GALNTL6: variants seen among roughly 807,000 people sequenced by gnomAD.
The protein encoded by GALNTL6 is polypeptide N-acetylgalactosaminyltransferase like 6, also known as polypeptide N-acetylgalactosaminyltransferase-like 6.
In GALNTL6, 46 loss-of-function variants were observed where a neutral mutation model predicts 73.7. The observed-to-expected ratio is 0.62, with a 90% confidence interval of 0.49 to 0.80. The LOEUF (loss-of-function observed/expected upper bound fraction) is 0.80. Ranked by LOEUF, GALNTL6 falls within the 30% of genes least tolerant of loss-of-function variation. The pLI is 0.00. For missense variants in GALNTL6, 604 were observed against 755.0 expected (o/e 0.80, Z 2.34); for synonymous variants, 259 against 263.7 (o/e 0.98, Z 0.17).
intron 11 of GALNTL6, among the ~76,000 whole-genome samples, chr4:173,019,618 C>T (rs1435546618): frequency 6.6e-6 from 1 of 152,168 alleles, no homozygotes; most frequent in Admixed American, 6.5e-5. Context: ...TTTAAAAACT[C>T]TAGGAAAAAA....
chr4:171,860,088 A>G (rs1735793897), intron 2 of GALNTL6, among the ~76,000 whole-genome samples: 1 of 152,218 alleles, frequency 6.6e-6, no homozygotes, highest in South Asian at 2.1e-4. Flanking sequence ...TACTGTCCAC[A>G]TAAGAACACC....
At chr4:171,857,666 G>A (rs1339886527) in intron 2 of GALNTL6, among the ~76,000 whole-genome samples, 2 of 152,160 alleles carry the variant, frequency 1.3e-5, no homozygotes, top group African/African-American at 4.8e-5. Flanking sequence ...AACATTTTTT[G>A]TAAGGTTATA....
In GALNTL6 at chr4:172,185,683, A is replaced by G. The variant is rs578152205; in HGVS notation, c.139-43973A>G. Among the ~76,000 whole-genome samples the G allele has an allele frequency of 2.4e-4, 36 of 152,302 alleles. 1 individual carries two copies. Among genetic ancestry groups the G allele is most frequent in the Admixed American group, 1.2e-3 (18 of 15,292 alleles). Reference sequence around the variant, plus strand: ...ATATTAAAAATGTGTACAAAAAGTGAATTTCACAATTTTAGTATGTTAGCT... The same window carrying G: ...ATATTAAAAATGTGTACAAAAAGTGGATTTCACAATTTTAGTATGTTAGCT... On this transcript the variant is annotated intron_variant, in intron 2 of 12. Transcript: ENST00000506823.
At chr4:172,004,246 C>A (rs958999435) in intron 2 of GALNTL6, among the ~76,000 whole-genome samples, 1 of 152,082 alleles carries the variant, frequency 6.6e-6, no homozygotes, top group Non-Finnish European at 1.5e-5. Flanking sequence ...ATAAATTTCC[C>A]TTTTGTCTTC....
chr4:172,761,862 T>A (rs535703743), intron 5 of GALNTL6, among the ~76,000 whole-genome samples: 2 of 152,310 alleles, frequency 1.3e-5, no homozygotes, highest in African/African-American at 4.8e-5. Flanking sequence ...CTCTGGTAGT[T>A]CTTCATAGCA....
intron 2 of GALNTL6, among the ~76,000 whole-genome samples, chr4:171,887,008 C>G (rs546590562): frequency 1.3e-5 from 2 of 152,208 alleles, no homozygotes; most frequent in African/African-American, 4.8e-5. Flanking sequence ...TGACAGAATA[C>G]CACAGACTAG....
At chr4:172,463,661 T>C (rs1240782534) in intron 5 of GALNTL6, among the ~76,000 whole-genome samples, 1 of 152,212 alleles carries the variant, frequency 6.6e-6, no homozygotes, top group African/African-American at 2.4e-5. Context: ...TATCATTAAC[T>C]AATTAATAAC....
intron 2 of GALNTL6, among the ~76,000 whole-genome samples, chr4:172,121,934 T>C (rs1265724747): frequency 1.3e-5 from 2 of 149,896 alleles, no homozygotes; most frequent in African/African-American, 4.9e-5. Context: ...ATAAATCAAA[T>C]AATCATGGGA....
At chr4:172,034,936 T>G (rs892022216) in intron 2 of GALNTL6, among the ~76,000 whole-genome samples, 1 of 152,150 alleles carries the variant, frequency 6.6e-6, no homozygotes, top group African/African-American at 2.4e-5. Flanking sequence ...ATGCAAAATA[T>G]ATTTATTGCA....
At chr4:172,533,507 T>G (rs1735241555) in intron 5 of GALNTL6, among the ~76,000 whole-genome samples, 3 of 151,790 alleles carry the variant, frequency 2.0e-5, no homozygotes, top group Admixed American at 2.0e-4. Flanking sequence ...GTATTTTTAG[T>G]AGAGACAGGG....
At chr4:172,243,534 A>G (rs1370019342) in intron 3 of GALNTL6, among the ~76,000 whole-genome samples, 1 of 152,152 alleles carries the variant, frequency 6.6e-6, no homozygotes, top group Non-Finnish European at 1.5e-5. Context: ...ACATTAGGAA[A>G]GTATCCTGAG....
chr4:173,007,838 G>A (rs1393914785), intron 10 of GALNTL6, among the ~76,000 whole-genome samples: 2 of 151,940 alleles, frequency 1.3e-5, no homozygotes, highest in East Asian at 3.9e-4. Flanking sequence ...AAAAGGACAT[G>A]TCTCTGCCCA....
At chr4:172,577,956 G>T (rs937058227) in intron 5 of GALNTL6, among the ~76,000 whole-genome samples, 1 of 152,154 alleles carries the variant, frequency 6.6e-6, no homozygotes, top group African/African-American at 2.4e-5. Context: ...TGAGTCTGGG[G>T]AAATGAGAAA....
intron 5 of GALNTL6, among the ~76,000 whole-genome samples, chr4:172,610,207 G>T (rs1738476203): frequency 6.6e-6 from 1 of 151,742 alleles, no homozygotes; most frequent in Non-Finnish European, 1.5e-5. Flanking sequence ...CTCTGATTTT[G>T]ATTATTTCTT....
chr4:172,768,575 G>C (rs1345321329), intron 5 of GALNTL6, among the ~76,000 whole-genome samples: 4 of 152,144 alleles, frequency 2.6e-5, no homozygotes, highest in Non-Finnish European at 5.9e-5. Context: ...TACCTCTATG[G>C]GTGTCTTTAA....
At chr4:172,998,187 T>A (rs912912241) in intron 10 of GALNTL6, among the ~76,000 whole-genome samples, 1 of 152,228 alleles carries the variant, frequency 6.6e-6, no homozygotes, top group Admixed American at 6.5e-5. Flanking sequence ...CTAGGTGGTC[T>A]CTGCCAGCAG....
At chr4:172,102,826 C>T (rs1224826338) in intron 2 of GALNTL6, among the ~76,000 whole-genome samples, 1 of 152,122 alleles carries the variant, frequency 6.6e-6, no homozygotes, top group Admixed American at 6.5e-5. Flanking sequence ...GGGGAGGTCA[C>T]CTCACTGTCA....
intron 7 of GALNTL6, among the ~76,000 whole-genome samples, chr4:172,875,868 T>G (rs1354076289): frequency 6.6e-6 from 1 of 152,158 alleles, no homozygotes; most frequent in Non-Finnish European, 1.5e-5. Flanking sequence ...CTTTACAGCA[T>G]CTTATCCATT....
chr4:172,810,123 G>A (rs560165152), intron 6 of GALNTL6, among the ~76,000 whole-genome samples: 1 of 152,092 alleles, frequency 6.6e-6, no homozygotes, highest in Non-Finnish European at 1.5e-5. Context: ...ACAGTTCTTT[G>A]TATTTACATA....
Sources: gnomAD v4.1 joint callset for allele counts (sites outside exome capture counted in the v4.1 genomes callset) on GRCh38, gnomAD v4.1.1 for gene constraint, MANE v1.5 for transcripts, NCBI Gene and HGNC (gene_info 2026-07-23, HGNC 2026-07-21) for gene names.